TNRC6C: variants seen among roughly 807,000 people sequenced by gnomAD.
TNRC6C encodes the protein trinucleotide repeat-containing gene 6C protein.
TNRC6C carries 20 observed loss-of-function variants against 153.7 expected under a neutral mutation model. The ratio of observed to expected loss-of-function variants is 0.13; its 90% CI spans 0.09 to 0.19. TNRC6C has a LOEUF of 0.19. Among genes scored for constraint, TNRC6C ranks in the 10% least tolerant of loss-of-function variants. The pLI is 1.00. For synonymous variants in TNRC6C, 811 were observed against 841.4 expected, an observed-to-expected ratio of 0.96 and a Z score of 0.63; for missense variants, 1,987 against 2,172.0, an observed-to-expected ratio of 0.91 and a Z score of 1.69.
At chr17:78,051,265 A>G (rs959402126) in exon 3 of TNRC6C, 3 of 1,554,382 alleles carry the variant, frequency 1.9e-6, no homozygotes, top group Admixed American at 3.9e-5. Flanking sequence ...GGGGGACCCA[A>G]GCAACTATAA....
At position 78,049,228 on chromosome 17, in the gene TNRC6C, A is replaced by G. The variant is rs778396340; in HGVS notation, c.166A>G (p.Thr56Ala). ...TGCGGCCAGAGTGTGGGGTGTAGCC[A>G]CAGGCTCCAGCTCTGGCCTGGCTCA... The change falls in exon 3 of 20, where the codon ACA becomes GCA. Residue 56 changes from threonine (T) to alanine (A), a missense_variant. Physicochemically the swap from Thr to Ala is moderately conservative, Grantham distance 58 (BLOSUM62 0). Coordinates refer to ENST00000301624, the Ensembl canonical transcript of TNRC6C. The surrounding 1 kb of genome is among the most constrained non-coding windows in gnomAD (Gnocchi z 4.1). 11 of 1,612,020 alleles carry G rather than the reference A, an allele frequency of 6.8e-6. No homozygotes were observed. The highest frequency in any genetic ancestry group is 5.5e-5 in the South Asian group (5 of 90,660).
In TNRC6C at chr17:78,084,282, GA is replaced by G. The variant is rs200911250; in HGVS notation, c.3477+1128del. 4.4e-3 allele frequency among the ~76,000 whole-genome samples: 189 copies of G among 42,824 alleles called. 1 individual carries two copies. Among genetic ancestry groups the G allele is most frequent in the African/African-American group, 0.012 (137 of 11,648 alleles). The allele number at this position is 42,824 out of a possible 152,430, so 28.1% of individuals were successfully genotyped here. Reference sequence around the variant, plus strand: ...GCGACAGAGCAAGACTCCGTCTCAAGAAAAAAAAAAAAGAAAATCATGACCA... The same window carrying G: ...GCGACAGAGCAAGACTCCGTCTCAAGAAAAAAAAAAAGAAAATCATGACCA... On this transcript the variant is annotated intron_variant, in intron 11 of 19. Coordinates refer to ENST00000301624, the Ensembl canonical transcript of TNRC6C.
intron 10 of TNRC6C, among the ~76,000 whole-genome samples, chr17:78,081,202 C>T (rs1160933600): frequency 6.6e-6 from 1 of 151,602 alleles, no homozygotes; most frequent in Non-Finnish European, 1.5e-5. Context: ...CATGGGGGCT[C>T]CTGATCACCT....
chr17:77,976,264 CA>C (rs112871618), intron 1 of TNRC6C, among the ~76,000 whole-genome samples: 4,213 of 152,238 alleles, frequency 0.028, 177 homozygotes, highest in African/African-American at 0.096. Context: ...TTAACCCTAT[CA>C]TAGACATGAC....
chr17:77,970,613 G>T (rs1328503998), intron 1 of TNRC6C, among the ~76,000 whole-genome samples: 1 of 152,042 alleles, frequency 6.6e-6, no homozygotes, highest in East Asian at 1.9e-4. Context: ...TTTGAATGCG[G>T]CCCAAAACAA....
chr17:77,965,800 A>C (rs1275915634), intron 1 of TNRC6C, among the ~76,000 whole-genome samples: 1 of 152,258 alleles, frequency 6.6e-6, no homozygotes, highest in East Asian at 1.9e-4. Flanking sequence ...CTCCTCTCTT[A>C]AGGACGCATG....
chr17:78,054,954 A>G (rs987507087), intron 3 of TNRC6C, among the ~76,000 whole-genome samples: 1 of 151,574 alleles, frequency 6.6e-6, no homozygotes. Context: ...GTACGCTACC[A>G]TACACCACTG....
Position 78,086,845 on chromosome 17 carries a change from C to T in TNRC6C, c.3562-8C>T. On this transcript the variant is annotated splice_region_variant and splice_polypyrimidine_tract_variant and intron_variant, in intron 12 of 19. Coordinates refer to ENST00000301624, the Ensembl canonical transcript of TNRC6C. ...CCTAGTTAACGCACCTATGTCTCTG[C>T]CTGCCAGGTTGCGCGCACAATCACT... 1 of 1,610,468 alleles carries T rather than the reference C, an allele frequency of 6.2e-7. No homozygotes were observed. Among genetic ancestry groups the T allele is most frequent in the Non-Finnish European group, 8.5e-7 (1 of 1,178,978 alleles).
upstream of TNRC6C, among the ~76,000 whole-genome samples, chr17:77,958,290 G>T (rs2070825566): frequency 6.6e-6 from 1 of 152,044 alleles, no homozygotes; most frequent in African/African-American, 2.4e-5. Flanking sequence ...CGGAGCCACA[G>T]CGCCCAGGGA....
chr17:78,040,541 T>C (rs1374215683), intron 2 of TNRC6C, among the ~76,000 whole-genome samples: 1 of 152,160 alleles, frequency 6.6e-6, no homozygotes, highest in African/African-American at 2.4e-5. Context: ...TTACAGCTAG[T>C]GTTGGCATGC....
intron 3 of TNRC6C, among the ~76,000 whole-genome samples, chr17:78,059,055 G>T (rs1016656518): frequency 7.9e-5 from 12 of 152,212 alleles, no homozygotes; most frequent in Non-Finnish European, 1.5e-4. Flanking sequence ...AGTCTCATTA[G>T]CAGCAGAAGC....
In TNRC6C at chr17:78,075,066, C is replaced by A; in HGVS notation, c.2918-70C>A. The A allele has an allele frequency of 6.4e-7, 1 of 1,563,306 alleles. No individual in the cohort carries two copies. The stretch of plus-strand genomic sequence containing the variant: ...TCTCCATCCCTCCTTGAGGCCTTAG[C>A]TGGTGCCTATCTTGTGCTCAGCACT... On this transcript the variant is annotated intron_variant, in intron 7 of 19. Transcript: ENST00000301624. This position sits in a 1 kb window ranked among gnomAD's most constrained non-coding sequence, Gnocchi z 4.2.
chr17:78,066,268 G>T (rs946695769), intron 4 of TNRC6C: 1 of 151,566 alleles, frequency 6.6e-6, no homozygotes, highest in Non-Finnish European at 1.5e-5. Flanking sequence ...AACTGCAGAA[G>T]CTTCATCTTT....
chr17:78,000,541 G>A (rs1239426962), upstream of TNRC6C, among the ~76,000 whole-genome samples: 2 of 145,446 alleles, frequency 1.4e-5, no homozygotes. Context: ...AACACTGAAA[G>A]GAAATTCTAA....
chr17:77,989,244 GTA>G (rs1042591767), intron 1 of TNRC6C, among the ~76,000 whole-genome samples: 1 of 152,296 alleles, frequency 6.6e-6, no homozygotes, highest in Non-Finnish European at 1.5e-5. Context: ...GAGATCCTAG[GTA>G]TTCTGTGCCT....
At chr17:78,039,319 C>CT (rs1555634298) in intron 2 of TNRC6C, among the ~76,000 whole-genome samples, 25 of 149,102 alleles carry the variant, frequency 1.7e-4, no homozygotes, top group African/African-American at 6.1e-4. Context: ...GCCCCCCCCC[C>CT]CCACTCCCTA....
intron 2 of TNRC6C, among the ~76,000 whole-genome samples, chr17:78,034,682 G>GT (rs2072144583): frequency 6.6e-6 from 1 of 152,158 alleles, no homozygotes; most frequent in South Asian, 2.1e-4. Context: ...TGAAGAAAAT[G>GT]TTTGAGGTCG....
intron 11 of TNRC6C, among the ~76,000 whole-genome samples, chr17:78,084,439 A>G (rs138153476): frequency 1.0e-3 from 157 of 151,752 alleles, no homozygotes; most frequent in Middle Eastern, 6.8e-3. Flanking sequence ...TTTTAGACAC[A>G]TGTCCAACAA....
upstream of TNRC6C, chr17:78,005,012 C>G: frequency 8.4e-7 from 1 of 1,187,276 alleles, no homozygotes. Flanking sequence ...ACACATTATT[C>G]CTAAAGAGTT....
Sources: allele counts gnomAD v4.1 joint callset (sites outside exome capture counted in the v4.1 genomes callset), GRCh38; gene constraint gnomAD v4.1.1; non-coding constraint Gnocchi (gnomAD v3.1); transcripts MANE v1.5; gene names NCBI Gene and HGNC (gene_info 2026-07-23, HGNC 2026-07-21).